The following WDR7 variants were observed in gnomAD, a reference collection of about 807,000 sequenced individuals.
WDR7 encodes WD repeat domain 7.
In WDR7, 46 loss-of-function variants were observed where a neutral mutation model predicts 169.4. The observed-to-expected ratio is 0.27, with a 90% CI of 0.21 to 0.35. The LOEUF (loss-of-function observed/expected upper bound fraction) is 0.35, where lower values mean the gene tolerates loss of function less well. WDR7 is among the 10% of genes least tolerant of loss of function. The probability of loss-of-function intolerance (pLI) is 1.00; values close to 1 mark genes in which losing one functional copy is unlikely to be tolerated. For synonymous variants in WDR7, 612 were observed against 666.8 expected (o/e 0.92, Z 1.27); for missense variants, 1,534 against 1,859.3 (o/e 0.83, Z 3.22).
intron 26 of WDR7, among the ~76,000 whole-genome samples, chr18:56,985,309 A>T (rs1244004158): frequency 2.6e-5 from 4 of 152,198 alleles, no homozygotes; most frequent in Non-Finnish European, 4.4e-5. Context: ...TATACTTTTA[A>T]AATAATAGGC....
chr18:56,696,758 A>G (rs1005897100), intron 12 of WDR7, among the ~76,000 whole-genome samples: 3 of 152,198 alleles, frequency 2.0e-5, no homozygotes, highest in African/African-American at 4.8e-5. Flanking sequence ...TGATGTTTCA[A>G]TTTTACATTT....
rs1211524337 is a variant in WDR7 at position 57,029,472 on chromosome 18, C to T, written c.*2265C>T. ...GCCACAGTCCCAAACTTCATCCCAG[C>T]TTAGATTTCTCAGCACTGAGGTAAA... On this transcript the variant is annotated 3_prime_UTR_variant, in exon 28 of 28. Coordinates refer to ENST00000254442, the MANE Select transcript of WDR7 (RefSeq NM_015285.3). 6.6e-6 allele frequency: 1 copy of T among 152,174 alleles called. No individual in the cohort carries two copies. Among genetic ancestry groups the T allele is most frequent in the Admixed American group, 6.5e-5 (1 of 15,284 alleles). 9.4% of individuals were successfully genotyped at this position (152,174 alleles called of 1,614,324 possible).
At position 56,722,065 on chromosome 18, in the gene WDR7, TC is replaced by T. The variant is rs549104575; in HGVS notation, c.1774+3907del. ...CTTCATGAAATATGCATTTGAGTCATCTTTTTGAACTTAAGTACCTAATAAA... is the reference window on the plus strand; with the variant it reads ...CTTCATGAAATATGCATTTGAGTCATTTTTTGAACTTAAGTACCTAATAAA... On this transcript the variant is annotated intron_variant, in intron 13 of 27. Transcript: ENST00000254442. 4.5e-4 allele frequency among the ~76,000 whole-genome samples: 69 copies of T among 152,336 alleles called. 1 individual carries two copies. In the East Asian group the frequency reaches 0.013, roughly 29 times the overall value.
At chr18:56,714,561 C>T (rs2026151483) in intron 12 of WDR7, among the ~76,000 whole-genome samples, 1 of 151,598 alleles carries the variant, frequency 6.6e-6, no homozygotes. Context: ...TCTCCTCCCT[C>T]AGCCTCCCCA....
chr18:56,935,613 T>C (rs1014592212), intron 22 of WDR7, among the ~76,000 whole-genome samples, 175 bp from the exon 23 acceptor site: 1 of 152,244 alleles, frequency 6.6e-6, no homozygotes, highest in African/African-American at 2.4e-5. Context: ...ATTTTGTATT[T>C]GATGCCAGAA....
At chr18:56,889,153 C>G (rs879588103) in intron 21 of WDR7, among the ~76,000 whole-genome samples, 16 of 152,200 alleles carry the variant, frequency 1.1e-4, no homozygotes, top group Non-Finnish European at 1.9e-4. Context: ...GACACAAGAA[C>G]TTAGGGAAGT....
intron 21 of WDR7, among the ~76,000 whole-genome samples, chr18:56,896,269 T>A (rs1009329336): frequency 6.6e-6 from 1 of 151,874 alleles, no homozygotes; most frequent in Non-Finnish European, 1.5e-5. Flanking sequence ...ATTGATAGAT[T>A]AATACCATTC....
intron 13 of WDR7, among the ~76,000 whole-genome samples, chr18:56,728,476 C>G (rs370664287): frequency 3.3e-5 from 5 of 152,240 alleles, no homozygotes; most frequent in African/African-American, 1.2e-4. Context: ...GATGCTGCCT[C>G]CTCGTGTGGA....
At chr18:56,996,302 A>C (rs2047898479) in intron 26 of WDR7, among the ~76,000 whole-genome samples, 1 of 152,152 alleles carries the variant, frequency 6.6e-6, no homozygotes, top group Non-Finnish European at 1.5e-5. Flanking sequence ...GAAAGATTAG[A>C]TTCTATATAA....
Position 56,910,448 on chromosome 18 carries a change from G to A in WDR7, c.3527-13474G>A, listed in dbSNP as rs547966224. Among the ~76,000 whole-genome samples the A allele has an allele frequency of 1.2e-4, 19 of 152,208 alleles. 1 individual carries two copies. In the South Asian group the frequency reaches 3.7e-3, roughly 30 times the overall value. On this transcript the variant is annotated intron_variant, in intron 21 of 27. Coordinates refer to ENST00000254442, the MANE Select transcript of WDR7 (RefSeq NM_015285.3). Reference sequence around the variant, plus strand: ...GGTCTTTCACTCTATTTCAGAAATGGCCCACTAATCTAGAGAATGAAAGTT... The same window carrying A: ...GGTCTTTCACTCTATTTCAGAAATGACCCACTAATCTAGAGAATGAAAGTT...
intron 22 of WDR7, among the ~76,000 whole-genome samples, chr18:56,925,839 C>G (rs1279887938): frequency 1.3e-5 from 2 of 152,166 alleles, no homozygotes; most frequent in Admixed American, 6.5e-5. Context: ...TACCATGCAT[C>G]CTAAACTTTA....
chr18:56,689,849 G>A (rs1429140906), intron 7 of WDR7, among the ~76,000 whole-genome samples: 1 of 132,882 alleles, frequency 7.5e-6, no homozygotes, highest in Non-Finnish European at 1.8e-5. Context: ...AGGGCTGGAG[G>A]GCTAGTTTCC....
At chr18:56,730,146 C>G (rs1433148960) in intron 13 of WDR7, among the ~76,000 whole-genome samples, 1 of 152,080 alleles carries the variant, frequency 6.6e-6, no homozygotes, top group Non-Finnish European at 1.5e-5. Context: ...GTTCAGTGTA[C>G]CAGGGATACA....
chr18:56,915,390 C>G (rs906855282), intron 21 of WDR7, among the ~76,000 whole-genome samples: 3 of 152,186 alleles, frequency 2.0e-5, no homozygotes, highest in Non-Finnish European at 2.9e-5. Flanking sequence ...TCATTTTGCA[C>G]TCATTGTAAT....
At chr18:56,892,769 A>C (rs2046281474) in intron 21 of WDR7, among the ~76,000 whole-genome samples, 1 of 152,088 alleles carries the variant, frequency 6.6e-6, no homozygotes, top group African/African-American at 2.4e-5. Context: ...TTTAATATGC[A>C]AAAGGGCTTT....
intron 26 of WDR7, among the ~76,000 whole-genome samples, chr18:56,973,591 G>A (rs773965423): frequency 4.0e-5 from 6 of 151,500 alleles, no homozygotes; most frequent in Non-Finnish European, 8.8e-5. Context: ...TCACTGCCTC[G>A]TATTCTTCAT....
intron 26 of WDR7, 58 bp from the exon 27 acceptor site, chr18:57,020,687 G>A (rs796610681): frequency 2.0e-6 from 3 of 1,494,876 alleles, no homozygotes; most frequent in Non-Finnish European, 1.9e-6. Flanking sequence ...ATTTGTGTGT[G>A]TACTTGTAAT....
At chr18:56,822,839 G>A (rs553811201) in intron 20 of WDR7, among the ~76,000 whole-genome samples, 1 of 152,186 alleles carries the variant, frequency 6.6e-6, no homozygotes, top group Non-Finnish European at 1.5e-5. Context: ...CATGAAAACA[G>A]ATATTAAGAA....
chr18:56,874,849 A>G (rs2046001950), intron 20 of WDR7, among the ~76,000 whole-genome samples: 1 of 150,560 alleles, frequency 6.6e-6, no homozygotes. Flanking sequence ...TTTTATACTC[A>G]TAATTGCACC....
Sources: allele counts gnomAD v4.1 joint callset (sites outside exome capture counted in the v4.1 genomes callset), GRCh38; gene constraint gnomAD v4.1.1; transcripts MANE v1.5; gene names NCBI Gene and HGNC (gene_info 2026-07-23, HGNC 2026-07-21).